CADPS2: variants seen among roughly 807,000 people sequenced by gnomAD.
The protein encoded by CADPS2 is calcium dependent secretion activator 2.
In CADPS2, 93 loss-of-function variants were observed where a neutral mutation model predicts 172.5. The ratio of observed to expected loss-of-function variants is 0.54; its 90% CI spans 0.46 to 0.64. CADPS2 has a LOEUF of 0.64. Among genes scored for constraint, CADPS2 ranks in the 30% least tolerant of loss-of-function variants. The probability of loss-of-function intolerance (pLI) is 0.00; values close to 1 mark genes in which losing one functional copy is unlikely to be tolerated. For synonymous variants in CADPS2, 546 were observed against 555.2 expected (o/e 0.98, Z 0.23); for missense variants, 1,420 against 1,565.9 (o/e 0.91, Z 1.57).
intron 2 of CADPS2, among the ~76,000 whole-genome samples, chr7:122,736,199 T>C (rs2092135347): frequency 6.6e-6 from 1 of 152,192 alleles, no homozygotes; most frequent in East Asian, 1.9e-4. Context: ...TACACAAAAA[T>C]ATTCTTGCCT....
chr7:122,519,697 T>G (rs1343715795), intron 8 of CADPS2, among the ~76,000 whole-genome samples: 1 of 151,958 alleles, frequency 6.6e-6, no homozygotes, highest in Admixed American at 6.6e-5. Context: ...AATCCAGCTA[T>G]CCTTAGGTCA....
At chr7:122,795,816 C>A (rs1796255699) in intron 1 of CADPS2, among the ~76,000 whole-genome samples, 1 of 152,156 alleles carries the variant, frequency 6.6e-6, no homozygotes, top group South Asian at 2.1e-4. Context: ...AGGATGCCCT[C>A]TCTCACCACT....
At chr7:122,335,450 T>C (rs117509985) in intron 28 of CADPS2, among the ~76,000 whole-genome samples, 2,318 of 152,260 alleles carry the variant, frequency 0.015, 29 homozygotes, top group Non-Finnish European at 0.024. Flanking sequence ...AGTTTCACCA[T>C]GTTGAAAGTT....
At chr7:122,749,744 T>C (rs184703906) in intron 1 of CADPS2, among the ~76,000 whole-genome samples, 6 of 152,202 alleles carry the variant, frequency 3.9e-5, no homozygotes, top group East Asian at 3.9e-4. Context: ...CAATACATCA[T>C]TGTTAACAAA....
intron 2 of CADPS2, among the ~76,000 whole-genome samples, chr7:122,715,678 G>T (rs1203291473): frequency 1.3e-5 from 2 of 151,342 alleles, no homozygotes; most frequent in Non-Finnish European, 2.9e-5. Flanking sequence ...CAGACACAAG[G>T]CTTAAAACCT....
At chr7:122,606,691 A>T (rs952927944) in intron 6 of CADPS2, among the ~76,000 whole-genome samples, 15 of 152,100 alleles carry the variant, frequency 9.9e-5, no homozygotes, top group African/African-American at 3.4e-4. Context: ...AAAAAGTAGT[A>T]TGATTAGAGT....
chr7:122,411,343 C>T (rs1237696565), intron 19 of CADPS2, among the ~76,000 whole-genome samples: 1 of 151,800 alleles, frequency 6.6e-6, no homozygotes. Context: ...GCCTCAGCCT[C>T]CCAAGTATCT....
chr7:122,768,591 C>T (rs963345266), intron 1 of CADPS2, among the ~76,000 whole-genome samples: 2 of 151,750 alleles, frequency 1.3e-5, no homozygotes, highest in African/African-American at 4.8e-5. Context: ...AAACAAAATG[C>T]CTAAAAAGGA....
intron 2 of CADPS2, among the ~76,000 whole-genome samples, chr7:122,676,309 G>C (rs2135694021): frequency 6.6e-6 from 1 of 152,206 alleles, no homozygotes; most frequent in African/African-American, 2.4e-5. Flanking sequence ...TTTATTAATG[G>C]CACCTTAAAT....
intron 20 of CADPS2, among the ~76,000 whole-genome samples, chr7:122,401,406 T>G (rs1332570162): frequency 6.6e-6 from 1 of 152,166 alleles, no homozygotes; most frequent in East Asian, 1.9e-4. Flanking sequence ...ATCCACAGAT[T>G]AAAAGGTGAC....
At chr7:122,429,799 A>G (rs1425715026) in intron 17 of CADPS2, among the ~76,000 whole-genome samples, 1 of 152,218 alleles carries the variant, frequency 6.6e-6, no homozygotes, top group Non-Finnish European at 1.5e-5. Context: ...TAAAACTTTT[A>G]TCAGAGAAAA....
chr7:122,512,966 G>A (rs1233013091), intron 9 of CADPS2, among the ~76,000 whole-genome samples: 2 of 152,092 alleles, frequency 1.3e-5, no homozygotes, highest in African/African-American at 4.8e-5. Context: ...ATTGAATGCA[G>A]AAGCTGATGC....
At chr7:122,449,660 C>G (rs1372994015) in intron 15 of CADPS2, among the ~76,000 whole-genome samples, 2 of 152,162 alleles carry the variant, frequency 1.3e-5, no homozygotes, top group African/African-American at 4.8e-5. Flanking sequence ...ATCTCTAAAA[C>G]TGCAAAATAA....
Position 122,698,269 on chromosome 7 carries a change from C to T in CADPS2, c.454-34700G>A, listed in dbSNP as rs149851951. On this transcript the variant is annotated intron_variant, in intron 2 of 29. Coordinates refer to ENST00000449022, the MANE Select transcript of CADPS2 (RefSeq NM_017954.11). ...TCGCTGCCATCTCCGGTTCTGAATC[C>T]TTGCTAAACAAAGTCTATGAATGTG... is the stretch of plus-strand genomic sequence containing the variant. 5.5e-5 allele frequency: 88 copies of T among 1,613,994 alleles called. 1 individual carries two copies. In the African/African-American group the frequency reaches 1.1e-3, roughly 21 times the overall value.
chr7:122,605,451 A>G (rs1441538523), intron 6 of CADPS2, among the ~76,000 whole-genome samples: 1 of 152,144 alleles, frequency 6.6e-6, no homozygotes, highest in Non-Finnish European at 1.5e-5. Flanking sequence ...GCAGTGTATG[A>G]CTATTTTATA....
rs1406628446 is a variant in CADPS2, at chr7:122,319,970, C to A, written c.*195G>T. On this transcript the variant is annotated 3_prime_UTR_variant, in exon 30 of 30. Coordinates refer to ENST00000449022, the MANE Select transcript of CADPS2 (RefSeq NM_017954.11). ...CCAAAAAAACAAACAAACAAACAAACAAAAAAAGGAAACAAAAAAACCCCA... is the reference window on the plus strand; with the variant it reads ...CCAAAAAAACAAACAAACAAACAAAAAAAAAAAGGAAACAAAAAAACCCCA... 9 of 431,060 alleles carry A rather than the reference C, an allele frequency of 2.1e-5. No homozygotes were observed. Among genetic ancestry groups the A allele is most frequent in the Admixed American group, 4.7e-5 (1 of 21,200 alleles). The allele number at this position is 431,060 out of a possible 1,614,324, so 26.7% of individuals were successfully genotyped here.
chr7:122,552,823 G>A (rs1356722434), intron 8 of CADPS2, among the ~76,000 whole-genome samples: 1 of 151,136 alleles, frequency 6.6e-6, no homozygotes, highest in African/African-American at 2.4e-5. Flanking sequence ...AAAGAAAAAG[G>A]GACTGAGTGA....
chr7:122,702,419 G>T, intron 2 of CADPS2: 2 of 1,613,750 alleles, frequency 1.2e-6, no homozygotes, highest in Non-Finnish European at 1.7e-6. Context: ...ATGTGTAAAA[G>T]TACAGCCTCC....
At chr7:122,663,596 AC>A (rs751677052) in intron 2 of CADPS2, 27 bp from the exon 3 acceptor site, 2 of 1,513,854 alleles carry the variant, frequency 1.3e-6, no homozygotes, top group African/African-American at 2.8e-5. Flanking sequence ...ACAAAACAAA[AC>A]AAAAAACAAT....
Sources: gnomAD v4.1 joint callset for allele counts (sites outside exome capture counted in the v4.1 genomes callset) on GRCh38, gnomAD v4.1.1 for gene constraint, MANE v1.5 for transcripts, NCBI Gene and HGNC (gene_info 2026-07-23, HGNC 2026-07-21) for gene names.